Variants in SMYD3 observed in about 807,000 individuals in gnomAD.
SMYD3 encodes the protein histone-lysine N-methyltransferase SMYD3.
In SMYD3, 36 loss-of-function variants were observed where a neutral mutation model predicts 57.7. The ratio of observed to expected loss-of-function variants is 0.62; its 90% CI spans 0.48 to 0.82. SMYD3 has a LOEUF of 0.82. SMYD3 is among the 40% of genes least tolerant of loss of function. The pLI, the probability that SMYD3 is intolerant of heterozygous loss-of-function variation, is 0.00. For synonymous variants in SMYD3, 211 were observed against 195.0 expected (o/e 1.08, Z -0.68); for missense variants, 515 against 538.8 (o/e 0.96, Z 0.44).
chr1:246,189,150 G>C (rs1037320053), intron 5 of SMYD3: 1 of 152,124 alleles, frequency 6.6e-6, no homozygotes, highest in Non-Finnish European at 1.5e-5. Flanking sequence ...TTTTATAACT[G>C]TTTTCCAGAA....
intron 10 of SMYD3, among the ~76,000 whole-genome samples, chr1:245,825,703 A>C (rs1489682688): frequency 1.3e-5 from 2 of 152,174 alleles, no homozygotes; most frequent in East Asian, 3.9e-4. Context: ...TGAGCACAGC[A>C]AGAAACAGAA....
chr1:246,504,800 C>G (rs547066191), intron 1 of SMYD3, among the ~76,000 whole-genome samples: 2 of 152,316 alleles, frequency 1.3e-5, no homozygotes, highest in Non-Finnish European at 2.9e-5. Context: ...ATGCACTATT[C>G]TTAAAGACTT....
Position 246,262,364 on chromosome 1 carries a change from G to A in SMYD3, c.531+64837C>T, listed in dbSNP as rs200020479. 1.2e-4 allele frequency among the ~76,000 whole-genome samples: 19 copies of A among 152,208 alleles called. No individual in the cohort carries two copies. In the East Asian group the frequency reaches 1.5e-3, roughly 12 times the overall value. On this transcript the variant is annotated intron_variant, in intron 5 of 11. Transcript: ENST00000490107. ...GGGAATAATGTGTTACTTATTTTTC[G>A]CACTATGACTAACAATTATTAAACA...
intron 8 of SMYD3, among the ~76,000 whole-genome samples, chr1:245,904,566 A>C (rs1396378917): frequency 6.6e-6 from 1 of 152,154 alleles, no homozygotes. Context: ...CCAGGGGGCA[A>C]TCTCCAATCC....
chr1:246,053,766 G>A (rs567461903), intron 5 of SMYD3, among the ~76,000 whole-genome samples: 1 of 151,754 alleles, frequency 6.6e-6, no homozygotes, highest in South Asian at 2.1e-4. Context: ...CCTGCATAAT[G>A]TAGTGAGACC....
In SMYD3 at chr1:246,444,394, G is replaced by A. The variant is rs753023959; in HGVS notation, c.164+62660C>T. 1.1e-4 allele frequency among the ~76,000 whole-genome samples: 16 copies of A among 152,186 alleles called. 1 individual carries two copies. The highest frequency in any genetic ancestry group is 1.0e-3 in the Admixed American group (16 of 15,274). On this transcript the variant is annotated intron_variant, in intron 1 of 11. Coordinates refer to ENST00000490107, the MANE Select transcript of SMYD3 (RefSeq NM_001167740.2). ...CCGCCTCGGCCTCCCAAAGTGCTGG[G>A]ATTACAGGCATGAGCCATCGCGCCC...
At chr1:245,769,366 A>C (rs1259715436) in intron 10 of SMYD3, among the ~76,000 whole-genome samples, 1 of 152,202 alleles carries the variant, frequency 6.6e-6, no homozygotes, top group East Asian at 1.9e-4. Flanking sequence ...CCACACACTG[A>C]AGCTGAATCT....
intron 5 of SMYD3, among the ~76,000 whole-genome samples, chr1:246,161,727 G>A (rs774394087): frequency 5.3e-5 from 8 of 152,178 alleles, no homozygotes; most frequent in African/African-American, 1.4e-4. Flanking sequence ...TCAAATACAG[G>A]TCTGGCCAAT....
chr1:246,494,096 A>G (rs980058346), intron 1 of SMYD3, among the ~76,000 whole-genome samples: 1 of 152,186 alleles, frequency 6.6e-6, no homozygotes, highest in Non-Finnish European at 1.5e-5. Context: ...ACTCCTACAC[A>G]AATCTTCCAT....
At chr1:246,334,771 T>C (rs1294072902) in intron 3 of SMYD3, among the ~76,000 whole-genome samples, 1 of 152,184 alleles carries the variant, frequency 6.6e-6, no homozygotes, top group Non-Finnish European at 1.5e-5. Flanking sequence ...AATTATAAAT[T>C]AACTGATTAA....
At chr1:246,325,298 T>TTG (rs1558402310) in intron 5 of SMYD3, among the ~76,000 whole-genome samples, 2 of 11,050 alleles carry the variant, frequency 1.8e-4, no homozygotes, top group African/African-American at 4.3e-4. Context: ...GAGAAGGAGT[T>TTG]GGGGGGGCGG....
At chr1:246,379,658 A>C (rs778474077) in intron 1 of SMYD3, among the ~76,000 whole-genome samples, 4 of 152,232 alleles carry the variant, frequency 2.6e-5, no homozygotes, top group Admixed American at 6.5e-5. Context: ...ATACAATAAC[A>C]ATGAACCTAA....
intron 5 of SMYD3, among the ~76,000 whole-genome samples, chr1:246,094,482 T>C (rs2060878543): frequency 6.6e-6 from 1 of 152,238 alleles, no homozygotes; most frequent in Non-Finnish European, 1.5e-5. Context: ...TTAAGTTTTG[T>C]ATCATTATGA....
intron 2 of SMYD3, among the ~76,000 whole-genome samples, chr1:246,341,095 A>C (rs1056945284): frequency 2.0e-5 from 3 of 152,236 alleles, no homozygotes; most frequent in African/African-American, 7.2e-5. Flanking sequence ...CTTTCTCTTT[A>C]TAGCTTTCCA....
intron 5 of SMYD3, among the ~76,000 whole-genome samples, chr1:246,031,618 T>A (rs1572916074): frequency 6.6e-6 from 1 of 151,924 alleles, no homozygotes; most frequent in East Asian, 1.9e-4. Flanking sequence ...GCGCCTGTAG[T>A]CCCAGCTACT....
intron 5 of SMYD3, among the ~76,000 whole-genome samples, chr1:246,110,618 T>C (rs12091007): frequency 0.16 from 24,803 of 152,162 alleles, 3,622 homozygotes; most frequent in African/African-American, 0.39. Context: ...ACAGATCTGG[T>C]GCTCTCTCTC....
intron 9 of SMYD3, among the ~76,000 whole-genome samples, chr1:245,861,996 A>G (rs1572535885): frequency 2.1e-5 from 2 of 97,046 alleles, no homozygotes; most frequent in Non-Finnish European, 3.2e-5. Flanking sequence ...ATGGGCCCCA[A>G]TACCGCTGCC....
intron 10 of SMYD3, among the ~76,000 whole-genome samples, chr1:245,780,536 G>A (rs943310547): frequency 1.5e-4 from 22 of 150,948 alleles, no homozygotes; most frequent in Non-Finnish European, 1.2e-4. Context: ...TGTGGCCAAA[G>A]GGGGTTGGAG....
intron 1 of SMYD3, among the ~76,000 whole-genome samples, chr1:246,390,001 G>A (rs543712823): frequency 3.9e-5 from 6 of 152,206 alleles, no homozygotes; most frequent in South Asian, 2.1e-4. Flanking sequence ...GATCTGCTGC[G>A]GGATGGGGGG....
Sources: gnomAD v4.1 joint callset for allele counts (sites outside exome capture counted in the v4.1 genomes callset) on GRCh38, gnomAD v4.1.1 for gene constraint, MANE v1.5 for transcripts, NCBI Gene and HGNC (gene_info 2026-07-23, HGNC 2026-07-21) for gene names.